ADNP2: variants seen among roughly 807,000 people sequenced by gnomAD.
ADNP2 encodes the protein activity-dependent neuroprotector homeobox protein 2.
A neutral mutation model predicts 16.4 loss-of-function variants in ADNP2; 8 were observed. The ratio of observed to expected loss-of-function variants is 0.49; its 90% CI spans 0.29 to 0.88. The LOEUF is 0.88. ADNP2 is among the 40% of genes least tolerant of loss of function. The pLI is 0.09. For synonymous variants in ADNP2, 637 were observed against 545.8 expected (o/e 1.17, Z -2.33); for missense variants, 1,397 against 1,395.1 (o/e 1.00, Z -0.02).
At chr18:80,123,518 C>G (rs773864314) in intron 2 of ADNP2, among the ~76,000 whole-genome samples, 1 of 151,166 alleles carries the variant, frequency 6.6e-6, no homozygotes, top group Admixed American at 6.6e-5. Flanking sequence ...TTCAGGCATG[C>G]GCCACCACAC....
At position 80,136,191 on chromosome 18, in the gene ADNP2, C is replaced by T. The variant is rs1200988306; in HGVS notation, c.778C>T (p.Leu260Phe). 1 of 1,614,266 alleles carries T rather than the reference C, an allele frequency of 6.2e-7. No individual in the cohort carries two copies. Among genetic ancestry groups the T allele is most frequent in the Non-Finnish European group, 8.5e-7 (1 of 1,180,046 alleles). ...TTCAGAACATATTAAGAGGACTGGA[C>T]TCTTGAAGCAAACGCACATTGCTCC... ...VISEHIKRTGLLKQTHIAPKP... is the reference protein window; with the variant it reads ...VISEHIKRTGFLKQTHIAPKP... Residue 260 changes from leucine (L) to phenylalanine (F), a missense_variant, in exon 4 of 4, where the codon CTC (leucine) becomes TTC (phenylalanine). Physicochemically the swap from Leu to Phe is conservative, Grantham distance 22 (BLOSUM62 0). Around this residue, in one of 3 missense-constraint regions of ADNP2, gnomAD observed 777 missense variants for 719.4 expected, o/e 1.08. Coordinates refer to ENST00000262198, the MANE Select transcript of ADNP2 (RefSeq NM_014913.4).
intron 2 of ADNP2, among the ~76,000 whole-genome samples, chr18:80,127,553 G>A (rs1416288501): frequency 6.6e-6 from 1 of 151,888 alleles, no homozygotes; most frequent in African/African-American, 2.4e-5. Flanking sequence ...CGTTCATGTT[G>A]TTCTCCTGGT....
At chr18:80,128,433 C>T (rs1208187325) in intron 2 of ADNP2, among the ~76,000 whole-genome samples, 1 of 152,116 alleles carries the variant, frequency 6.6e-6, no homozygotes, top group Non-Finnish European at 1.5e-5. Context: ...GGATGGATCA[C>T]GAGGTCAGGA....
At chr18:80,111,015 T>C (rs1177319437) in intron 1 of ADNP2, among the ~76,000 whole-genome samples, 1 of 152,194 alleles carries the variant, frequency 6.6e-6, no homozygotes, top group Non-Finnish European at 1.5e-5. Context: ...AATATGCTGT[T>C]GGTTAATTTA....
intron 2 of ADNP2, among the ~76,000 whole-genome samples, chr18:80,120,394 C>A (rs927691582): frequency 6.6e-6 from 1 of 150,436 alleles, no homozygotes; most frequent in Non-Finnish European, 1.5e-5. Context: ...TGCAGTGGTA[C>A]AATCATGGCT....
Position 80,137,573 on chromosome 18 carries a change from G to A in ADNP2, c.2160G>A (p.Glu720=), listed in dbSNP as rs1188819374. Reference sequence around the variant, plus strand: ...TGGAGGTAGCGCATAAGCACAGCGAGTCCAAGTCTGGTGAGAAACTTGAGC... The same window carrying A: ...TGGAGGTAGCGCATAAGCACAGCGAATCCAAGTCTGGTGAGAAACTTGAGC... ...VHMEVAHKHS[E]SKSGEKLEPE... is the part of the protein sequence containing the mutation. Residue 720 remains glutamate, a synonymous_variant, in exon 4 of 4, where the codon GAG becomes GAA. Coordinates refer to ENST00000262198, the MANE Select transcript of ADNP2 (RefSeq NM_014913.4). The surrounding 1 kb of genome is among the most constrained non-coding windows in gnomAD (Gnocchi z 4.2). 1 of 1,614,258 alleles carries A rather than the reference G, an allele frequency of 6.2e-7. No homozygotes were observed. Among genetic ancestry groups the A allele is most frequent in the East Asian group, 2.2e-5 (1 of 44,886 alleles).
At chr18:80,124,365 A>G (rs756971145) in intron 2 of ADNP2, among the ~76,000 whole-genome samples, 54 of 152,314 alleles carry the variant, frequency 3.5e-4, no homozygotes, top group Middle Eastern at 3.4e-3. Flanking sequence ...TGGTGTTCCC[A>G]CAACTCCCTC....
In ADNP2 at chr18:80,138,432, G is replaced by T. The variant is rs989453798; in HGVS notation, c.3019G>T (p.Gly1007Cys). 1 of 1,614,048 alleles carries T rather than the reference G, an allele frequency of 6.2e-7. No homozygotes were observed. The highest frequency in any genetic ancestry group is 1.7e-4 in the Middle Eastern group (1 of 6,060). Residue 1007 changes from glycine to cysteine, a missense_variant, in exon 4 of 4, where the codon GGT (glycine) becomes TGT (cysteine). Around this residue, in one of 3 missense-constraint regions of ADNP2, gnomAD observed 611 missense variants for 648.7 expected, o/e 0.94. Transcript: ENST00000262198. ...CATCCTAAATGCCGATGCAGCCCCG[G>T]GTCCAGAAAAGGTGACGAGTGTTGT... ...PPILNADAAPGPEKVTSVVPF... is the reference protein window; with the variant it reads ...PPILNADAAPCPEKVTSVVPF...
chr18:80,138,039 A>T lies in ADNP2; in HGVS notation c.2626A>T (p.Thr876Ser), dbSNP rs1237160796. Residue 876 changes from threonine (T) to serine (S), a missense_variant, in exon 4 of 4, where the codon ACC (threonine) becomes TCC (serine). Thr to Ser is a moderately conservative substitution (Grantham distance 58). Transcript: ENST00000262198. ...CGGGAGCACCGGCAAGCGAGTGTCC[A>T]CCTGCCCCTTTTGCTTTGGCCCCTT... ...TPGSTGKRVS[T>S]CPFCFGPFVT... 2 of 1,613,734 alleles carry T rather than the reference A, an allele frequency of 1.2e-6. No homozygotes were observed. Among genetic ancestry groups the T allele is most frequent in the Non-Finnish European group, 1.7e-6 (2 of 1,180,022 alleles).
rs1217324457 is a variant in ADNP2 at position 80,135,512 on chromosome 18, A to C, written c.199-100A>C. On this transcript the variant is annotated intron_variant, in intron 3 of 3. Transcript: ENST00000262198. ...AAACATTAAGTCAGGTTAAATGCCT[A>C]GCACATTAGAAGAAAAGGGATCAAG... 5.8e-6 allele frequency: 7 copies of C among 1,197,880 alleles called. No homozygotes were observed. The African/African-American group carries it at 1.1e-4, about 19-fold the overall frequency. 74.2% of individuals were successfully genotyped at this position (1,197,880 alleles called of 1,614,324 possible).
intron 2 of ADNP2, among the ~76,000 whole-genome samples, chr18:80,127,970 A>G (rs892659877): frequency 1.3e-5 from 2 of 152,262 alleles, no homozygotes; most frequent in African/African-American, 4.8e-5. Context: ...AGTCTTCAGG[A>G]GACCCTGTGC....
chr18:80,127,825 G>GT (rs758771801), intron 2 of ADNP2, among the ~76,000 whole-genome samples: 1 of 152,124 alleles, frequency 6.6e-6, no homozygotes, highest in African/African-American at 2.4e-5. Flanking sequence ...TGTATTAAGG[G>GT]GTCATTCCCC....
Position 80,136,791 on chromosome 18 carries a change from A to G in ADNP2, c.1378A>G (p.Met460Val), listed in dbSNP as rs373607219. ...PAGQMTPAGQ[M>V]TPAGVIPGQT... ...AGGCCAGATGACTCCTGCAGGCCAG[A>G]TGACTCCTGCAGGGGTTATCCCTGG... The change falls in exon 4 of 4, where the codon ATG (methionine) becomes GTG (valine). Residue 460 changes from methionine to valine, a missense_variant. By Grantham distance (21) the Met-to-Val change is conservative. Transcript: ENST00000262198. 25 of 1,613,436 alleles carry G rather than the reference A, an allele frequency of 1.5e-5. No homozygotes were observed. Among genetic ancestry groups the G allele is most frequent in the African/African-American group, 4.0e-5 (3 of 74,806 alleles).
At chr18:80,129,912 CTT>C (rs1279871176) in intron 2 of ADNP2, among the ~76,000 whole-genome samples, 1 of 152,170 alleles carries the variant, frequency 6.6e-6, no homozygotes, top group Non-Finnish European at 1.5e-5. Flanking sequence ...TCTGTAAACT[CTT>C]GTTTTACTCA....
chr18:80,138,603 A>G lies in ADNP2; in HGVS notation c.3190A>G (p.Lys1064Glu). The G allele has an allele frequency of 6.2e-7, 1 of 1,609,020 alleles. No homozygotes were observed. Among genetic ancestry groups the G allele is most frequent in the Non-Finnish European group, 8.5e-7 (1 of 1,178,884 alleles). ...KKQFLKDYFH[K>E]KPYPSKKEIE... ...GCAATTTCTTAAAGATTATTTCCAT[A>G]AGAAACCATATCCTAGTAAAAAGGA... Residue 1064 changes from lysine to glutamate, a missense_variant, in exon 4 of 4, where the codon AAG becomes GAG. Physicochemically the swap from Lys to Glu is moderately conservative, Grantham distance 56. Around this residue, in one of 3 missense-constraint regions of ADNP2, gnomAD observed 611 missense variants for 648.7 expected, o/e 0.94. Coordinates refer to ENST00000262198, the MANE Select transcript of ADNP2 (RefSeq NM_014913.4).
At chr18:80,123,728 AT>A (rs946274436) in intron 2 of ADNP2, among the ~76,000 whole-genome samples, 4 of 137,390 alleles carry the variant, frequency 2.9e-5, no homozygotes, top group Admixed American at 7.3e-5. Flanking sequence ...TCTTTCTTTA[AT>A]TTTTTTTTTC....
At chr18:80,130,585 T>C (rs961309552) in intron 2 of ADNP2, among the ~76,000 whole-genome samples, 1 of 152,196 alleles carries the variant, frequency 6.6e-6, no homozygotes, top group Non-Finnish European at 1.5e-5. Flanking sequence ...GGAAAATGTT[T>C]TTCTTGTACA....
chr18:80,123,498 G>A (rs1320564829), intron 2 of ADNP2, among the ~76,000 whole-genome samples: 1 of 151,804 alleles, frequency 6.6e-6, no homozygotes. Flanking sequence ...AGCCTCCCGA[G>A]TAGCTGAGAT....
intron 1 of ADNP2, among the ~76,000 whole-genome samples, chr18:80,113,898 A>G (rs1183484987): frequency 6.6e-6 from 1 of 152,154 alleles, no homozygotes; most frequent in Non-Finnish European, 1.5e-5. Context: ...TGTCCTTAAA[A>G]ATCATGAGAG....
Sources: gnomAD v4.1 joint callset for allele counts (sites outside exome capture counted in the v4.1 genomes callset) on GRCh38, gnomAD v4.1.1 for gene constraint, gnomAD v4.1.1 regional missense constraint, Gnocchi (gnomAD v3.1) non-coding constraint, MANE v1.5 for transcripts, NCBI Gene and HGNC (gene_info 2026-07-23, HGNC 2026-07-21) for gene names.